DLGAP1: variants seen among roughly 807,000 people sequenced by gnomAD.
The protein encoded by DLGAP1 is disks large-associated protein 1.
A neutral mutation model predicts 90.8 loss-of-function variants in DLGAP1; 11 were observed. The observed-to-expected ratio is 0.12, with a 90% CI of 0.08 to 0.20. The LOEUF (loss-of-function observed/expected upper bound fraction) is 0.20, where lower values mean the gene tolerates loss of function less well. DLGAP1 is among the 10% of genes least tolerant of loss of function. The pLI, the probability that DLGAP1 is intolerant of heterozygous loss-of-function variation, is 1.00. For synonymous variants in DLGAP1, 558 were observed against 540.7 expected (o/e 1.03, Z -0.44); for missense variants, 1,050 against 1,333.8 (o/e 0.79, Z 3.31).
At chr18:3,695,286 G>A (rs1346830937) in intron 7 of DLGAP1, among the ~76,000 whole-genome samples, 2 of 152,222 alleles carry the variant, frequency 1.3e-5, no homozygotes. Context: ...CCATGCCTAT[G>A]TCCTGAATGG....
chr18:4,118,363 CA>C (rs1389250661), intron 2 of DLGAP1, among the ~76,000 whole-genome samples: 1 of 152,124 alleles, frequency 6.6e-6, no homozygotes, highest in Non-Finnish European at 1.5e-5. Context: ...GCTCCGCCAG[CA>C]GGTACGGAGT....
intron 1 of DLGAP1, among the ~76,000 whole-genome samples, chr18:4,330,487 T>A (rs1019544023): frequency 1.3e-5 from 2 of 151,888 alleles, no homozygotes; most frequent in Non-Finnish European, 2.9e-5. Flanking sequence ...TCTTCTTTTC[T>A]AATATAAGCA....
At chr18:3,714,523 G>A (rs574158371) in intron 7 of DLGAP1, among the ~76,000 whole-genome samples, 1 of 152,062 alleles carries the variant, frequency 6.6e-6, no homozygotes, top group East Asian at 1.9e-4. Flanking sequence ...CTAAGCACTA[G>A]GCTGAAAATC....
At chr18:3,560,076 C>T (rs2053987920) in intron 9 of DLGAP1, among the ~76,000 whole-genome samples, 1 of 151,978 alleles carries the variant, frequency 6.6e-6, no homozygotes, top group Non-Finnish European at 1.5e-5. Flanking sequence ...TATTTAAATA[C>T]ATTTTTGCTA....
intron 1 of DLGAP1, among the ~76,000 whole-genome samples, chr18:4,302,884 A>G (rs935435045): frequency 6.6e-6 from 1 of 152,260 alleles, no homozygotes; most frequent in Admixed American, 6.5e-5. Flanking sequence ...TGTCTTCTTC[A>G]ATTTCTTTCC....
chr18:3,941,065 T>C (rs1388311463), intron 3 of DLGAP1, among the ~76,000 whole-genome samples: 8 of 152,200 alleles, frequency 5.3e-5, no homozygotes, highest in African/African-American at 1.9e-4. Context: ...AAAATGGGAA[T>C]GGCGTTTTCC....
chr18:3,623,807 C>T (rs1173864306), intron 7 of DLGAP1, among the ~76,000 whole-genome samples: 1 of 151,662 alleles, frequency 6.6e-6, no homozygotes, highest in Non-Finnish European at 1.5e-5. Context: ...AGGAAAACCC[C>T]CCTAGAAAAT....
At chr18:4,049,912 G>GTCCATCCATCCATCCA (rs57986910) in intron 2 of DLGAP1, among the ~76,000 whole-genome samples, 9 of 148,816 alleles carry the variant, frequency 6.0e-5, no homozygotes, top group Non-Finnish European at 7.4e-5. Context: ...CCATCCAACG[G>GTCCATCCATCCATCCA]TCCATCCATC....
chr18:4,181,173 G>T (rs2077202045), intron 1 of DLGAP1, among the ~76,000 whole-genome samples: 1 of 152,056 alleles, frequency 6.6e-6, no homozygotes, highest in Admixed American at 6.6e-5. Context: ...CATCTTGGTT[G>T]TTTATAAATG....
At chr18:3,845,495 A>G in intron 4 of DLGAP1, 1 of 1,280,342 alleles carries the variant, frequency 7.8e-7, no homozygotes, top group Non-Finnish European at 9.9e-7. Context: ...TAGCTGAAGA[A>G]TAACACTTAA....
chr18:4,260,015 C>A (rs1371558601), intron 1 of DLGAP1, among the ~76,000 whole-genome samples: 1 of 152,162 alleles, frequency 6.6e-6, no homozygotes, highest in East Asian at 1.9e-4. Context: ...TAAAAGGTCA[C>A]AACCATGAAA....
chr18:3,544,298 A>C (rs899875271), intron 9 of DLGAP1, among the ~76,000 whole-genome samples: 3 of 152,092 alleles, frequency 2.0e-5, no homozygotes, highest in Non-Finnish European at 4.4e-5. Context: ...CTGAGGCGCG[A>C]GATTGCTTGA....
intron 7 of DLGAP1, among the ~76,000 whole-genome samples, chr18:3,652,634 C>T (rs942480167): frequency 2.0e-5 from 3 of 152,206 alleles, no homozygotes; most frequent in African/African-American, 7.2e-5. Context: ...TGAACCACCG[C>T]ACCCAGCCCT....
chr18:3,807,140 T>A (rs2066604337), intron 5 of DLGAP1, among the ~76,000 whole-genome samples: 1 of 152,214 alleles, frequency 6.6e-6, no homozygotes, highest in Non-Finnish European at 1.5e-5. Flanking sequence ...GCATGTCTGA[T>A]GTTTACACTT....
chr18:3,979,974 A>G (rs2073689825), intron 3 of DLGAP1, among the ~76,000 whole-genome samples: 1 of 152,088 alleles, frequency 6.6e-6, no homozygotes, highest in Non-Finnish European at 1.5e-5. Flanking sequence ...CATCTCTACT[A>G]AAAATACAAA....
intron 7 of DLGAP1, among the ~76,000 whole-genome samples, chr18:3,650,497 G>A (rs754570085): frequency 1.3e-5 from 2 of 152,172 alleles, no homozygotes; most frequent in Admixed American, 6.5e-5. Context: ...TTAGCCAAAA[G>A]TATAATGACA....
chr18:4,308,418 C>G (rs2143410015), intron 1 of DLGAP1, among the ~76,000 whole-genome samples: 1 of 152,284 alleles, frequency 6.6e-6, no homozygotes, highest in African/African-American at 2.4e-5. Context: ...TATCTAATGG[C>G]TGCTCTTTAA....
chr18:3,750,269 C>G (rs2063444458), intron 5 of DLGAP1, among the ~76,000 whole-genome samples: 1 of 152,166 alleles, frequency 6.6e-6, no homozygotes, highest in Admixed American at 6.5e-5. Flanking sequence ...ATGATGGCTT[C>G]CAGCTGCATC....
intron 2 of DLGAP1, among the ~76,000 whole-genome samples, chr18:4,060,255 C>G (rs2075280247): frequency 1.3e-5 from 2 of 152,176 alleles, no homozygotes; most frequent in East Asian, 3.8e-4. Flanking sequence ...AGTTCAAGGG[C>G]TGCCTACTCT....
Sources: allele counts gnomAD v4.1 joint callset (sites outside exome capture counted in the v4.1 genomes callset), GRCh38; gene constraint gnomAD v4.1.1; transcripts MANE v1.5; gene names NCBI Gene and HGNC (gene_info 2026-07-23, HGNC 2026-07-21).